DESI2: variants seen among roughly 807,000 people sequenced by gnomAD.
DESI2 encodes the protein deubiquitinase DESI2.
In DESI2, 10 loss-of-function variants were observed where a neutral mutation model predicts 24.1. The observed-to-expected ratio is 0.41, with a 90% CI of 0.26 to 0.70. DESI2 has a LOEUF of 0.70. DESI2 is among the 30% of genes least tolerant of loss of function. The probability of loss-of-function intolerance (pLI) is 0.29; values close to 1 mark genes in which losing one functional copy is unlikely to be tolerated. For synonymous variants in DESI2, 71 were observed against 87.7 expected (o/e 0.81, Z 1.06); for missense variants, 122 against 234.9 (o/e 0.52, Z 3.14).
intron 4 of DESI2, among the ~76,000 whole-genome samples, chr1:244,692,681 C>T (rs1351882670): frequency 6.6e-6 from 1 of 152,208 alleles, no homozygotes; most frequent in African/African-American, 2.4e-5. Flanking sequence ...CGAGCTGCTG[C>T]TTCAGTGGCC....
Position 244,689,737 on chromosome 1 carries a change from T to C in DESI2, c.209+395T>C, listed in dbSNP as rs1676955369. On this transcript the variant is annotated intron_variant, in intron 3 of 4. Transcript: ENST00000302550. This position sits in a 1 kb window ranked among gnomAD's most constrained non-coding sequence, Gnocchi z 4.0. ...GTTGGCCAGGCTAGTCTTGAACTCC[T>C]GACCTCAGGTGATCCACCTGCCTCG... 2.6e-5 allele frequency among the ~76,000 whole-genome samples: 4 copies of C among 152,214 alleles called. No individual in the cohort carries two copies. Among genetic ancestry groups the C allele is most frequent in the Admixed American group, 2.6e-4 (4 of 15,280 alleles).
intron 4 of DESI2, among the ~76,000 whole-genome samples, chr1:244,699,102 T>G (rs1188871186): frequency 1.3e-5 from 2 of 152,178 alleles, no homozygotes; most frequent in Admixed American, 6.5e-5. Context: ...CACACCTTAG[T>G]AAGGCAGTTT....
intron 4 of DESI2, among the ~76,000 whole-genome samples, chr1:244,697,362 T>A (rs1397449302): frequency 6.6e-6 from 1 of 151,530 alleles, no homozygotes; most frequent in Non-Finnish European, 1.5e-5. Context: ...TGTAAAAAAT[T>A]AGCCTGGTGT....
intron 4 of DESI2, among the ~76,000 whole-genome samples, chr1:244,701,811 C>CT (rs1304134417): frequency 6.6e-6 from 1 of 152,114 alleles, no homozygotes; most frequent in Non-Finnish European, 1.5e-5. Flanking sequence ...TTCCTCACTT[C>CT]TTTTTTTAGC....
intron 1 of DESI2, among the ~76,000 whole-genome samples, chr1:244,665,454 C>T (rs9803720): frequency 1.3e-5 from 2 of 151,884 alleles, no homozygotes; most frequent in Non-Finnish European, 2.9e-5. Flanking sequence ...AACTTCTGCA[C>T]TCTGTGGCAC....
At chr1:244,660,236 G>T (rs1343271912) in intron 1 of DESI2, among the ~76,000 whole-genome samples, 2 of 152,194 alleles carry the variant, frequency 1.3e-5, no homozygotes, top group Non-Finnish European at 2.9e-5. Flanking sequence ...CGCCATCTCT[G>T]CTCACTGCAA....
intron 4 of DESI2, among the ~76,000 whole-genome samples, chr1:244,695,199 G>A (rs1008187315): frequency 1.3e-5 from 2 of 152,138 alleles, no homozygotes; most frequent in African/African-American, 4.8e-5. Context: ...TTTGGAAACA[G>A]TGGAACTCTT....
intron 4 of DESI2, among the ~76,000 whole-genome samples, chr1:244,703,255 G>A (rs1380273102): frequency 1.3e-5 from 2 of 152,164 alleles, no homozygotes; most frequent in African/African-American, 4.8e-5. Context: ...ACCTACCTCT[G>A]CCTCCCAAAG....
chr1:244,700,609 T>C (rs1213130874), intron 4 of DESI2, among the ~76,000 whole-genome samples: 2 of 152,200 alleles, frequency 1.3e-5, no homozygotes, highest in Non-Finnish European at 2.9e-5. Flanking sequence ...TGATAATTGT[T>C]TCTAGCTCCT....
chr1:244,680,123 A>C (rs1573203975), intron 1 of DESI2, among the ~76,000 whole-genome samples: 1 of 146,680 alleles, frequency 6.8e-6, no homozygotes, highest in East Asian at 2.0e-4. Context: ...CCTTCTTTTG[A>C]CTTTGCTAAC....
Position 244,691,036 on chromosome 1 carries a change from C to CT in DESI2, c.210-840dup, listed in dbSNP as rs566254824. ...TGCCTTTTATCTGACTAAAATTCCA[C>CT]TTTCTCTTGGATAATGTCTGTCGCC... is the stretch of plus-strand genomic sequence containing the variant. On this transcript the variant is annotated intron_variant, in intron 3 of 4. Coordinates refer to ENST00000302550, the MANE Select transcript of DESI2 (RefSeq NM_016076.5). Among the ~76,000 whole-genome samples, 14 of 152,316 alleles carry CT rather than the reference C, an allele frequency of 9.2e-5. No individual in the cohort carries two copies. In the East Asian group the frequency reaches 2.5e-3, roughly 27 times the overall value.
chr1:244,695,927 C>T (rs144268989), intron 4 of DESI2, among the ~76,000 whole-genome samples: 1 of 152,196 alleles, frequency 6.6e-6, no homozygotes, highest in East Asian at 1.9e-4. Flanking sequence ...GTACATGCCA[C>T]TATGTACAGC....
intron 4 of DESI2, among the ~76,000 whole-genome samples, chr1:244,692,618 A>G (rs1359089069): frequency 6.6e-6 from 1 of 152,218 alleles, no homozygotes; most frequent in Admixed American, 6.5e-5. Flanking sequence ...GCAGATGGTT[A>G]CAGTGGCAGC....
At chr1:244,688,323 A>G (rs1299135452) in intron 2 of DESI2, among the ~76,000 whole-genome samples, 1 of 152,198 alleles carries the variant, frequency 6.6e-6, no homozygotes. Flanking sequence ...TTTGTCACTA[A>G]AAAACTTTAA....
intron 1 of DESI2, among the ~76,000 whole-genome samples, chr1:244,680,948 C>CTTTTTTT (rs34557918): frequency 7.1e-6 from 1 of 141,156 alleles, no homozygotes; most frequent in Non-Finnish European, 1.5e-5. Flanking sequence ...CCTCCTTTTA[C>CTTTTTTT]TTTTTTTTTT....
chr1:244,699,877 G>A (rs1320177984), intron 4 of DESI2, among the ~76,000 whole-genome samples: 1 of 152,188 alleles, frequency 6.6e-6, no homozygotes, highest in Non-Finnish European at 1.5e-5. Context: ...CAAGCACTTT[G>A]AATTCAAACA....
chr1:244,686,739 C>A, intron 2 of DESI2, 70 bp downstream of exon 2: 2 of 917,472 alleles, frequency 2.2e-6, no homozygotes, highest in South Asian at 1.5e-5. Flanking sequence ...AAAATCATAA[C>A]TATAGGTCTC....
intron 1 of DESI2, among the ~76,000 whole-genome samples, chr1:244,657,168 T>C (rs1488620604): frequency 6.6e-6 from 1 of 152,238 alleles, no homozygotes; most frequent in Non-Finnish European, 1.5e-5. Context: ...ATAAGGACAT[T>C]TTTGTCTGGA....
At position 244,663,814 on chromosome 1, in the gene DESI2, C is replaced by G. The variant is rs186982034; in HGVS notation, c.42+10459C>G. On this transcript the variant is annotated intron_variant, in intron 1 of 4. Coordinates refer to ENST00000302550, the MANE Select transcript of DESI2 (RefSeq NM_016076.5). ...TGGACGGATCATGAGGTCAGGAGATCGAGACCATCCTGGCTAACACGGTGA... is the reference window on the plus strand; with the variant it reads ...TGGACGGATCATGAGGTCAGGAGATGGAGACCATCCTGGCTAACACGGTGA... Among the ~76,000 whole-genome samples, 505 of 151,702 alleles carry G rather than the reference C, an allele frequency of 3.3e-3. 9 individuals carry two copies. Among genetic ancestry groups the G allele is most frequent in the East Asian group, 4.1e-3 (21 of 5,084 alleles).
Sources: allele counts gnomAD v4.1 joint callset (sites outside exome capture counted in the v4.1 genomes callset), GRCh38; gene constraint gnomAD v4.1.1; non-coding constraint Gnocchi (gnomAD v3.1); transcripts MANE v1.5; gene names NCBI Gene and HGNC (gene_info 2026-07-23, HGNC 2026-07-21).